BBOX1: variants seen among roughly 807,000 people sequenced by gnomAD.
BBOX1 encodes the protein gamma-butyrobetaine hydroxylase 1.
BBOX1 carries 35 observed loss-of-function variants against 41.6 expected under a neutral mutation model. The ratio of observed to expected loss-of-function variants is 0.84; its 90% confidence interval spans 0.64 to 1.11. BBOX1 has a LOEUF of 1.11. Ranked by LOEUF, BBOX1 falls within the 50% of genes most tolerant of loss-of-function variation. BBOX1 has a pLI of 0.00. For synonymous variants in BBOX1, 163 were observed against 154.7 expected (o/e 1.05, Z -0.40); for missense variants, 458 against 460.6 (o/e 0.99, Z 0.05).
At chr11:27,123,176 T>A (rs900500369) in intron 7 of BBOX1, among the ~76,000 whole-genome samples, 1 of 152,124 alleles carries the variant, frequency 6.6e-6, no homozygotes, top group Non-Finnish European at 1.5e-5. Context: ...TTTTCTCAGA[T>A]AAACAGTAGG....
intron 4 of BBOX1, among the ~76,000 whole-genome samples, chr11:27,078,450 T>C (rs1857710730): frequency 6.6e-6 from 1 of 152,118 alleles, no homozygotes; most frequent in East Asian, 1.9e-4. Flanking sequence ...TAGGTATTTC[T>C]CCTAATGCTA....
chr11:27,043,208 C>T (rs1042435302), intron 2 of BBOX1, among the ~76,000 whole-genome samples: 2 of 152,038 alleles, frequency 1.3e-5, no homozygotes, highest in African/African-American at 2.4e-5. Flanking sequence ...GGACTACAGG[C>T]GCCCGCCACC....
At chr11:27,057,627 G>A (rs1590171541) in intron 4 of BBOX1, among the ~76,000 whole-genome samples, 1 of 152,098 alleles carries the variant, frequency 6.6e-6, no homozygotes, top group Non-Finnish European at 1.5e-5. Context: ...CAAAGAAGCA[G>A]GATGAACTAG....
chr11:27,071,713 T>A (rs1857457162), intron 4 of BBOX1, among the ~76,000 whole-genome samples: 1 of 152,132 alleles, frequency 6.6e-6, no homozygotes, highest in South Asian at 2.1e-4. Flanking sequence ...ATCAAAAAGC[T>A]TATCCACCAT....
In BBOX1 at chr11:27,057,077, A is replaced by AAAAAAAAAAAAAAAG. The variant is rs1857006931; in HGVS notation, c.220-116_220-115insAAAAAAGAAAAAAAA. 2 of 339,810 alleles carry AAAAAAAAAAAAAAAG rather than the reference A, an allele frequency of 5.9e-6. 1 individual carries two copies. The highest frequency in any genetic ancestry group is 4.4e-5 in the African/African-American group (2 of 45,614). The allele number at this position is 339,810 out of a possible 1,614,324, so 21.0% of individuals were successfully genotyped here. A position where few individuals can be genotyped will look rare whatever the true frequency, so the allele number is the denominator to read the frequency against. On this transcript the variant is annotated intron_variant, in intron 3 of 8. Transcript: ENST00000263182. ...AAGACTCCGACTTAAAAAAAAAAAA[A>AAAAAAAAAAAAAAAG]AAAAAAAATTAAGCAAAGCATAATT...
intron 8 of BBOX1, 65 bp from the exon 9 acceptor site, chr11:27,127,228 A>G: frequency 6.5e-7 from 1 of 1,534,340 alleles, no homozygotes; most frequent in Non-Finnish European, 8.9e-7. Flanking sequence ...TGCATGTTAC[A>G]TTTTCTAGCT....
At chr11:27,095,693 T>G in intron 5 of BBOX1, among the ~76,000 whole-genome samples, 1 of 152,050 alleles carries the variant, frequency 6.6e-6, no homozygotes, top group East Asian at 1.9e-4. Context: ...TTGACAATTT[T>G]TAATTCTCTA....
intron 6 of BBOX1, among the ~76,000 whole-genome samples, chr11:27,119,432 A>T (rs1859383724): frequency 6.6e-6 from 1 of 151,936 alleles, no homozygotes; most frequent in Admixed American, 6.6e-5. Context: ...ATTATAAGCA[A>T]CTTTTTTCTT....
At chr11:27,075,007 G>A (rs986957827) in intron 4 of BBOX1, among the ~76,000 whole-genome samples, 1 of 152,216 alleles carries the variant, frequency 6.6e-6, no homozygotes, top group Non-Finnish European at 1.5e-5. Context: ...GGAGGACGTG[G>A]CTAATGTGGT....
intron 2 of BBOX1, among the ~76,000 whole-genome samples, chr11:27,044,935 C>T (rs1473318955): frequency 6.6e-6 from 1 of 152,044 alleles, no homozygotes; most frequent in Non-Finnish European, 1.5e-5. Context: ...TCCACATGAA[C>T]TTTAAAGTAG....
At chr11:27,089,594 C>T (rs1236986026) in intron 4 of BBOX1, among the ~76,000 whole-genome samples, 1 of 152,026 alleles carries the variant, frequency 6.6e-6, no homozygotes, top group African/African-American at 2.4e-5. Context: ...TTTAGGCAAA[C>T]GTTTTATTCA....
Position 27,119,797 on chromosome 11 carries a change from G to C in BBOX1, c.788G>C (p.Gly263Ala), listed in dbSNP as rs1212959046. 6.3e-7 allele frequency: 1 copy of C among 1,589,738 alleles called. No homozygotes were observed. Among genetic ancestry groups the C allele is most frequent in the Non-Finnish European group, 8.5e-7 (1 of 1,170,398 alleles). ...ACCTTTGTGGACTTTACAGACATTG[G>C]AGTGGATTACTGTGATTTTTCTGTA... ...SSTFVDFTDI[G>A]VDYCDFSVQS... The change falls in exon 7 of 9, where the codon GGA becomes GCA. Residue 263 changes from glycine to alanine, a missense_variant. Coordinates refer to ENST00000263182, the MANE Select transcript of BBOX1 (RefSeq NM_003986.3).
chr11:27,073,613 G>C (rs993855478), intron 4 of BBOX1, among the ~76,000 whole-genome samples: 1 of 151,672 alleles, frequency 6.6e-6, no homozygotes, highest in East Asian at 1.9e-4. Flanking sequence ...AAATGCACAC[G>C]TATGTTTATT....
At chr11:27,107,605 T>C (rs1858915531) in intron 5 of BBOX1, among the ~76,000 whole-genome samples, 1 of 151,940 alleles carries the variant, frequency 6.6e-6, no homozygotes, top group African/African-American at 2.4e-5. Flanking sequence ...GTTGCCTTAC[T>C]TGGAATAGCA....
intron 4 of BBOX1, among the ~76,000 whole-genome samples, chr11:27,082,746 T>G (rs1857892178): frequency 6.6e-6 from 1 of 152,162 alleles, no homozygotes; most frequent in Non-Finnish European, 1.5e-5. Context: ...AAATCATAAG[T>G]GCTCAATAAA....
chr11:27,061,045 A>C (rs1200083408), intron 4 of BBOX1, among the ~76,000 whole-genome samples: 2 of 152,208 alleles, frequency 1.3e-5, no homozygotes, highest in African/African-American at 2.4e-5. Flanking sequence ...GGTACTCAAA[A>C]TATTTTTCCT....
intron 5 of BBOX1, among the ~76,000 whole-genome samples, chr11:27,096,208 A>G (rs1858433302): frequency 6.6e-6 from 1 of 151,998 alleles, no homozygotes; most frequent in Admixed American, 6.6e-5. Context: ...TTACCACGTT[A>G]TTCTTTCTAC....
At chr11:27,067,936 T>G in intron 4 of BBOX1, among the ~76,000 whole-genome samples, 1 of 152,116 alleles carries the variant, frequency 6.6e-6, no homozygotes, top group Non-Finnish European at 1.5e-5. Context: ...TTGAGTAGTA[T>G]TCCATGGTGT....
chr11:27,051,016 C>T (rs534203527), intron 2 of BBOX1, among the ~76,000 whole-genome samples: 23 of 152,046 alleles, frequency 1.5e-4, no homozygotes, highest in Non-Finnish European at 2.8e-4. Flanking sequence ...TCCCTCTATA[C>T]ATCTTTGTTG....
Sources: allele counts gnomAD v4.1 joint callset (sites outside exome capture counted in the v4.1 genomes callset), GRCh38; gene constraint gnomAD v4.1.1; transcripts MANE v1.5; gene names NCBI Gene and HGNC (gene_info 2026-07-23, HGNC 2026-07-21).